Variants in HDHD5 observed in about 807,000 individuals in gnomAD.
HDHD5 encodes the protein haloacid dehalogenase like hydrolase domain containing 5, also known as haloacid dehalogenase-like hydrolase domain-containing 5.
In HDHD5, 34 loss-of-function variants were observed where a neutral mutation model predicts 35.5. The ratio of observed to expected loss-of-function variants is 0.96; its 90% CI spans 0.73 to 1.28. HDHD5 has a LOEUF of 1.28. Ranked by LOEUF, HDHD5 falls within the 50% of genes most tolerant of loss-of-function variation. The probability of loss-of-function intolerance (pLI) is 0.00; values close to 1 mark genes in which losing one functional copy is unlikely to be tolerated. For synonymous variants in HDHD5, 248 were observed against 240.6 expected (o/e 1.03, Z -0.29); for missense variants, 589 against 560.2 (o/e 1.05, Z -0.52).
Position 17,139,382 on chromosome 22 carries a change from G to A in HDHD5, c.747-644C>T, listed in dbSNP as rs1188226011. ...GTCTCTACCAAAAATGCAAAAATTA[G>A]CTGGGTGTGGTGGCACATGCCTGTA... On this transcript the variant is annotated intron_variant, in intron 6 of 7. Coordinates refer to ENST00000336737, the MANE Select transcript of HDHD5 (RefSeq NM_033070.3). 2.6e-5 allele frequency among the ~76,000 whole-genome samples: 4 copies of A among 152,092 alleles called. No homozygotes were observed. In the East Asian group the frequency reaches 7.8e-4, roughly 30 times the overall value.
At chr22:17,154,786 G>A (rs1477076535) in intron 1 of HDHD5, among the ~76,000 whole-genome samples, 2 of 103,722 alleles carry the variant, frequency 1.9e-5, no homozygotes, top group African/African-American at 7.1e-5. Context: ...CCACATGCCT[G>A]GCTAATTTTT....
Position 17,159,239 on chromosome 22 carries a change from C to A in HDHD5, c.13G>T (p.Gly5Cys), listed in dbSNP as rs1471955115. ...GCCGCGCCGAGCGCAGCCACACAGC[C>A]CCACGCAGCCATCCGGCCGTCGCCG... MAAW[G>C]CVAALGAARG... The change falls in exon 1 of 8, where the codon GGC becomes TGC. Residue 5 changes from glycine to cysteine, a missense_variant. By Grantham distance (159) the Gly-to-Cys change is radical (BLOSUM62 -3). Coordinates refer to ENST00000336737, the MANE Select transcript of HDHD5 (RefSeq NM_033070.3). 1.6e-6 allele frequency: 2 copies of A among 1,285,140 alleles called. No individual in the cohort carries two copies. Among genetic ancestry groups the A allele is most frequent in the South Asian group, 4.1e-5 (2 of 48,796 alleles). 79.6% of individuals were successfully genotyped at this position (1,285,140 alleles called of 1,614,324 possible). A position where few individuals can be genotyped will look rare whatever the true frequency, so the allele number is the denominator to read the frequency against.
chr22:17,163,403 A>T (rs2061875004), upstream of HDHD5, among the ~76,000 whole-genome samples: 1 of 152,186 alleles, frequency 6.6e-6, no homozygotes, highest in South Asian at 2.1e-4. Flanking sequence ...GGATGTGCAT[A>T]TCTGATCAGC....
At chr22:17,156,369 C>A (rs2061790432) in intron 1 of HDHD5, among the ~76,000 whole-genome samples, 1 of 152,118 alleles carries the variant, frequency 6.6e-6, no homozygotes, top group South Asian at 2.1e-4. Flanking sequence ...TCCCAGCACT[C>A]TGGGAGGCCA....
intron 3 of HDHD5, among the ~76,000 whole-genome samples, chr22:17,146,302 C>T (rs1329384843): frequency 6.6e-6 from 1 of 150,784 alleles, no homozygotes; most frequent in Non-Finnish European, 1.5e-5. Flanking sequence ...ACACCTGTGG[C>T]GCCCTCCTGT....
At chr22:17,144,392 GGCAT>G (rs2061634013) in intron 4 of HDHD5, among the ~76,000 whole-genome samples, 1 of 151,384 alleles carries the variant, frequency 6.6e-6, no homozygotes, top group Admixed American at 6.6e-5. Flanking sequence ...TGGGACTATA[GGCAT>G]GCGCCACCAT....
intron 6 of HDHD5, among the ~76,000 whole-genome samples, chr22:17,139,423 G>A (rs1340925870): frequency 6.6e-6 from 1 of 152,066 alleles, no homozygotes; most frequent in South Asian, 2.1e-4. Flanking sequence ...AGCTACTTGG[G>A]GGGCTGAGGC....
Position 17,158,866 on chromosome 22 carries a change from G to A in HDHD5, c.126+260C>T, listed in dbSNP as rs1174427679. On this transcript the variant is annotated intron_variant, in intron 1 of 7. Coordinates refer to ENST00000336737, the MANE Select transcript of HDHD5 (RefSeq NM_033070.3). Reference sequence around the variant, plus strand: ...CGCGGAAACTGCCGGGAAGCGCAGGGGCTGACAAGCAGCCTGGCCCAGGCC... The same window carrying A: ...CGCGGAAACTGCCGGGAAGCGCAGGAGCTGACAAGCAGCCTGGCCCAGGCC... 1.8e-5 allele frequency: 5 copies of A among 278,456 alleles called. No individual in the cohort carries two copies. The South Asian group carries it at 5.0e-4, about 28-fold the overall frequency. 17.2% of individuals were successfully genotyped at this position (278,456 alleles called of 1,614,324 possible).
chr22:17,162,898 C>T (rs1400227621), upstream of HDHD5, among the ~76,000 whole-genome samples: 20 of 152,222 alleles, frequency 1.3e-4, no homozygotes, highest in Admixed American at 1.3e-3. Context: ...CACTAACAAA[C>T]TCAGGCTCTG....
intron 2 of HDHD5, 87 bp from the exon 3 acceptor site, chr22:17,148,647 A>C: frequency 9.6e-7 from 1 of 1,041,544 alleles, no homozygotes; most frequent in East Asian, 2.5e-5. Context: ...CCTTTAGCCT[A>C]GGGAAGGAAA....
chr22:17,145,650 CCACTG>C (rs1191640988), intron 3 of HDHD5, among the ~76,000 whole-genome samples: 1 of 152,108 alleles, frequency 6.6e-6, no homozygotes, highest in Non-Finnish European at 1.5e-5. Flanking sequence ...TATGATTGCA[CCACTG>C]CACTCCAACT....
At chr22:17,159,551 G>A, upstream of HDHD5, 1 of 446,898 alleles carries the variant, frequency 2.2e-6, no homozygotes, top group Non-Finnish European at 4.4e-6. Context: ...TGCGGATCCC[G>A]GTAACATTGC....
chr22:17,152,097 AG>A (rs2061733244), intron 1 of HDHD5, among the ~76,000 whole-genome samples: 1 of 152,168 alleles, frequency 6.6e-6, no homozygotes, highest in African/African-American at 2.4e-5. Flanking sequence ...GTCTACAGGG[AG>A]CCTTGCACTA....
rs1443696566 is a variant in HDHD5, at chr22:17,159,221, C to G, written c.31G>C (p.Gly11Arg). The G allele has an allele frequency of 1.6e-5, 19 of 1,205,602 alleles. No homozygotes were observed. Among genetic ancestry groups the G allele is most frequent in the Non-Finnish European group, 1.9e-5 (18 of 972,320 alleles). 74.7% of individuals were successfully genotyped at this position (1,205,602 alleles called of 1,614,324 possible). Residue 11 changes from glycine (G) to arginine (R), a missense_variant, in exon 1 of 8, where the codon GGC becomes CGC. Coordinates refer to ENST00000336737, the MANE Select transcript of HDHD5 (RefSeq NM_033070.3). Reference sequence around the variant, plus strand: ...CGCCAGCAAAGCCCACGCGCCGCGCCGAGCGCAGCCACACAGCCCCACGCA... The same window carrying G: ...CGCCAGCAAAGCCCACGCGCCGCGCGGAGCGCAGCCACACAGCCCCACGCA... MAAWGCVAAL[G>R]AARGLCWRAA...
chr22:17,156,572 C>G (rs934010580), intron 1 of HDHD5, among the ~76,000 whole-genome samples: 1 of 152,082 alleles, frequency 6.6e-6, no homozygotes, highest in Non-Finnish European at 1.5e-5. Context: ...GTTAGGAGAT[C>G]GAGACCATCT....
At chr22:17,147,499 C>A (rs144595585) in intron 3 of HDHD5, among the ~76,000 whole-genome samples, 356 of 81,730 alleles carry the variant, frequency 4.4e-3, no homozygotes, top group East Asian at 9.1e-3. Context: ...GCTTACCGGC[C>A]TTCGATCACA....
At chr22:17,157,076 T>TCACACACACACA (rs779244919) in intron 1 of HDHD5, among the ~76,000 whole-genome samples, 78 of 56,140 alleles carry the variant, frequency 1.4e-3, no homozygotes, top group Admixed American at 4.5e-3. Flanking sequence ...AGACACCGTC[T>TCACACACACACA]CACACACATA....
Position 17,149,759 on chromosome 22 carries a change from A to G in HDHD5, c.127-14T>C, listed in dbSNP as rs375135493. 56 of 1,612,158 alleles carry G rather than the reference A, an allele frequency of 3.5e-5. No homozygotes were observed. In the South Asian group the frequency reaches 5.7e-4, roughly 16 times the overall value. On this transcript the variant is annotated splice_polypyrimidine_tract_variant and intron_variant, in intron 1 of 7. Coordinates refer to ENST00000336737, the MANE Select transcript of HDHD5 (RefSeq NM_033070.3). Reference sequence around the variant, plus strand: ...GGTGGGTGGGCTCTGCAGAGATGGTAAGATAATTACCAGTACGTGAGTAAC... The same window carrying G: ...GGTGGGTGGGCTCTGCAGAGATGGTGAGATAATTACCAGTACGTGAGTAAC...
intron 2 of HDHD5, 88 bp from the exon 3 acceptor site, chr22:17,148,648 G>C: frequency 9.6e-7 from 1 of 1,042,920 alleles, no homozygotes; most frequent in East Asian, 2.5e-5. Flanking sequence ...CTTTAGCCTA[G>C]GGAAGGAAAA....
Sources: gnomAD v4.1 joint callset for allele counts (sites outside exome capture counted in the v4.1 genomes callset) on GRCh38, gnomAD v4.1.1 for gene constraint, MANE v1.5 for transcripts, NCBI Gene and HGNC (gene_info 2026-07-23, HGNC 2026-07-21) for gene names.